Variants in PID1 observed in about 807,000 individuals in gnomAD.
PID1 encodes phosphotyrosine interaction domain containing 1.
In PID1, 10 loss-of-function variants were observed where a neutral mutation model predicts 19.1. That is an observed-to-expected ratio of 0.52 (90% CI 0.32 to 0.89). The LOEUF (loss-of-function observed/expected upper bound fraction) is 0.89, where lower values mean the gene tolerates loss of function less well. Among genes scored for constraint, PID1 ranks in the 40% least tolerant of loss-of-function variants. The pLI, the probability that PID1 is intolerant of heterozygous loss-of-function variation, is 0.03. For synonymous variants in PID1, 130 were observed against 116.0 expected (o/e 1.12, Z -0.78); for missense variants, 248 against 285.3 (o/e 0.87, Z 0.94).
At chr2:229,081,454 C>T (rs982071718) in intron 2 of PID1, among the ~76,000 whole-genome samples, 1 of 152,130 alleles carries the variant, frequency 6.6e-6, no homozygotes, top group Non-Finnish European at 1.5e-5. Flanking sequence ...ATAGCAGAAA[C>T]TTTAATGAAA....
At chr2:229,217,783 C>T (rs147423479) in intron 1 of PID1, among the ~76,000 whole-genome samples, 140 of 152,360 alleles carry the variant, frequency 9.2e-4, no homozygotes, top group African/African-American at 3.3e-3. Flanking sequence ...CACCACCAGA[C>T]AATCTGCTTC....
At chr2:229,241,172 C>A (rs1325598188) in intron 1 of PID1, among the ~76,000 whole-genome samples, 1 of 152,116 alleles carries the variant, frequency 6.6e-6, no homozygotes, top group Non-Finnish European at 1.5e-5. Context: ...GCTATTCCCA[C>A]AGCTGTGTCT....
intron 2 of PID1, among the ~76,000 whole-genome samples, chr2:229,082,518 A>T (rs1172673020): frequency 6.6e-6 from 1 of 152,220 alleles, no homozygotes; most frequent in Non-Finnish European, 1.5e-5. Context: ...GTTTTTAAAA[A>T]CCGAAAATTT....
At chr2:229,190,470 CAG>C (rs1167214704) in intron 1 of PID1, among the ~76,000 whole-genome samples, 1 of 152,182 alleles carries the variant, frequency 6.6e-6, no homozygotes, top group Non-Finnish European at 1.5e-5. Context: ...CTAGGGGAAA[CAG>C]AGATGGTCAC....
chr2:229,048,251 C>T (rs1427886166), intron 2 of PID1, among the ~76,000 whole-genome samples: 2 of 152,166 alleles, frequency 1.3e-5, no homozygotes, highest in Non-Finnish European at 2.9e-5. Flanking sequence ...CCCTTTAAAG[C>T]AGCACTGTCT....
At chr2:229,062,090 T>C (rs1179322438) in intron 2 of PID1, among the ~76,000 whole-genome samples, 1 of 151,996 alleles carries the variant, frequency 6.6e-6, no homozygotes, top group Non-Finnish European at 1.5e-5. Context: ...AATATATTTT[T>C]ATCTAATTGT....
In PID1 at chr2:229,235,088, C is replaced by A. The variant is rs530284520; in HGVS notation, c.30+35926G>T. The stretch of plus-strand genomic sequence containing the variant: ...CCTCTCCAGTGTTTCCTCCTCTCTC[C>A]CACCCTCTCTCTAGGCTTCTCTGCT... On this transcript the variant is annotated intron_variant, in intron 1 of 2. Transcript: ENST00000392055. Among the ~76,000 whole-genome samples the A allele has an allele frequency of 1.8e-3, 267 of 152,252 alleles. 2 individuals carry two copies. Among genetic ancestry groups the A allele is most frequent in the South Asian group, 6.2e-3 (30 of 4,822 alleles).
chr2:229,140,731 T>TGGAAAA (rs1689994422), intron 2 of PID1, among the ~76,000 whole-genome samples: 2 of 152,156 alleles, frequency 1.3e-5, no homozygotes, highest in African/African-American at 2.4e-5. Context: ...TACAATATTG[T>TGGAAAA]TTATTCCTAA....
At chr2:229,246,219 C>T (rs141096012) in intron 1 of PID1, among the ~76,000 whole-genome samples, 62 of 152,210 alleles carry the variant, frequency 4.1e-4, no homozygotes, top group African/African-American at 1.5e-3. Context: ...GCCAGGGAGC[C>T]AATACAGCCA....
At chr2:229,118,000 C>G (rs1695442651) in intron 2 of PID1, among the ~76,000 whole-genome samples, 1 of 152,138 alleles carries the variant, frequency 6.6e-6, no homozygotes, top group South Asian at 2.1e-4. Flanking sequence ...CTTTCTGTCT[C>G]TCTCAATAGA....
At chr2:229,251,944 T>A (rs1398535141) in intron 1 of PID1, among the ~76,000 whole-genome samples, 35 of 71,420 alleles carry the variant, frequency 4.9e-4, no homozygotes, top group Non-Finnish European at 5.4e-4. Context: ...AACCATAAGC[T>A]AAAAAAAAAA....
chr2:229,167,855 G>A (rs765119076), intron 1 of PID1, among the ~76,000 whole-genome samples: 7 of 152,072 alleles, frequency 4.6e-5, no homozygotes, highest in Non-Finnish European at 1.0e-4. Context: ...AAAATGGAAA[G>A]TAGTCTTTGA....
At chr2:229,075,331 G>C (rs1694536792) in intron 2 of PID1, among the ~76,000 whole-genome samples, 1 of 152,120 alleles carries the variant, frequency 6.6e-6, no homozygotes, top group African/African-American at 2.4e-5. Context: ...TATGCATTGA[G>C]AGATTTTATC....
chr2:229,211,912 T>A (rs1691746270), intron 1 of PID1, among the ~76,000 whole-genome samples: 1 of 152,264 alleles, frequency 6.6e-6, no homozygotes, highest in Non-Finnish European at 1.5e-5. Context: ...CTGAATTTCT[T>A]ACTCATCTTA....
At chr2:229,228,138 C>T (rs1692122902) in intron 1 of PID1, 2 of 442,310 alleles carry the variant, frequency 4.5e-6, no homozygotes, top group South Asian at 1.6e-5. Flanking sequence ...AAAGAACCTG[C>T]AATTTTGATG....
At chr2:229,176,933 A>T (rs1690835494) in intron 1 of PID1, among the ~76,000 whole-genome samples, 1 of 152,196 alleles carries the variant, frequency 6.6e-6, no homozygotes, top group South Asian at 2.1e-4. Context: ...CCACATGCTG[A>T]TAGACATACC....
Position 229,229,460 on chromosome 2 carries a change from G to A in PID1, c.30+41554C>T, listed in dbSNP as rs375494844. Among the ~76,000 whole-genome samples the A allele has an allele frequency of 2.4e-3, 311 of 129,188 alleles. 3 individuals carry two copies. The South Asian group carries it at 0.032, about 13-fold the overall frequency. 84.8% of individuals were successfully genotyped at this position (129,188 alleles called of 152,430 possible). ...TAAGCCTGGGCAACAAGACGAAACC[G>A]CATCTCTACAAAAAAATATATGAAA... On this transcript the variant is annotated intron_variant, in intron 1 of 2. Coordinates refer to ENST00000392055, the MANE Select transcript of PID1 (RefSeq NM_001100818.2).
At chr2:229,050,700 A>G (rs1482716876) in intron 2 of PID1, among the ~76,000 whole-genome samples, 1 of 152,138 alleles carries the variant, frequency 6.6e-6, no homozygotes, top group Non-Finnish European at 1.5e-5. Flanking sequence ...GCCATTAGCC[A>G]TCTGGTCACT....
chr2:229,102,559 T>C (rs945527712), intron 2 of PID1, among the ~76,000 whole-genome samples: 12 of 152,148 alleles, frequency 7.9e-5, no homozygotes, highest in Non-Finnish European at 1.5e-4. Context: ...GGAAGAGAAA[T>C]GGAAGACTGA....
Sources: gnomAD v4.1 joint callset for allele counts (sites outside exome capture counted in the v4.1 genomes callset) on GRCh38, gnomAD v4.1.1 for gene constraint, MANE v1.5 for transcripts, NCBI Gene and HGNC (gene_info 2026-07-23, HGNC 2026-07-21) for gene names.